The following AK2 variants were observed in gnomAD, a reference collection of about 807,000 sequenced individuals.
AK2 encodes the protein adenylate kinase 2, mitochondrial.
A neutral mutation model predicts 24.6 loss-of-function variants in AK2; 15 were observed. The observed-to-expected ratio is 0.61, with a 90% confidence interval of 0.41 to 0.94. The LOEUF (loss-of-function observed/expected upper bound fraction) is 0.94, where lower values mean the gene tolerates loss of function less well. AK2 is among the 40% of genes least tolerant of loss of function. The pLI, the probability that AK2 is intolerant of heterozygous loss-of-function variation, is 0.00. For missense variants in AK2, 257 were observed against 304.1 expected, an observed-to-expected ratio of 0.85 and a Z score of 1.15; for synonymous variants, 102 against 114.0, an observed-to-expected ratio of 0.90 and a Z score of 0.67.
intron 5 of AK2, among the ~76,000 whole-genome samples, chr1:33,014,070 A>C (rs1026976395): frequency 2.0e-5 from 3 of 152,200 alleles, no homozygotes; most frequent in Admixed American, 2.0e-4. Context: ...TGGTGCAGTG[A>C]CCATGTATGA....
chr1:33,028,295 G>A (rs576279678), intron 1 of AK2, among the ~76,000 whole-genome samples: 21 of 152,156 alleles, frequency 1.4e-4, no homozygotes, highest in African/African-American at 5.1e-4. Context: ...TCTGAGGTCG[G>A]GAGTTCAAGA....
In AK2 at chr1:33,021,354, A is replaced by G. The variant is rs530123267; in HGVS notation, c.425+13T>C. 6.2e-7 allele frequency: 1 copy of G among 1,612,242 alleles called. No individual in the cohort carries two copies. The highest frequency in any genetic ancestry group is 1.3e-5 in the African/African-American group (1 of 74,986). On this transcript the variant is annotated intron_variant, in intron 4 of 5. Transcript: ENST00000672715. ...CTGAGAAGCATGAAAAGGGACCTTCAAGGGACAAATACCTTCCTGTGATTC... is the reference window on the plus strand; with the variant it reads ...CTGAGAAGCATGAAAAGGGACCTTCGAGGGACAAATACCTTCCTGTGATTC...
chr1:33,008,929 C>G lies in AK2; in HGVS notation c.*4252G>C, dbSNP rs1238461218. On this transcript the variant is annotated 3_prime_UTR_variant, in exon 6 of 6. Transcript: ENST00000672715. ...TTCTCAACTACACCATGCTGCTTTG[C>G]AGGTTGGTTTGACAAACATTTCCCC... is the stretch of plus-strand genomic sequence containing the variant. 2.2e-6 allele frequency: 1 copy of G among 454,114 alleles called. No individual in the cohort carries two copies. The highest frequency in any genetic ancestry group is 4.4e-6 in the Non-Finnish European group (1 of 226,788). 28.1% of individuals were successfully genotyped at this position (454,114 alleles called of 1,614,324 possible).
chr1:33,012,008 C>T lies in AK2; in HGVS notation c.*1173G>A. 1 of 1,535,266 alleles carries T rather than the reference C, an allele frequency of 6.5e-7. No homozygotes were observed. The highest frequency in any genetic ancestry group is 8.7e-7 in the Non-Finnish European group (1 of 1,146,664). On this transcript the variant is annotated 3_prime_UTR_variant, in exon 6 of 6. Transcript: ENST00000672715. ...GATCAAAATGAATCCAAGAATAGAT[C>T]ACACACTGTTTTGTTCACACTTGGA...
At chr1:33,029,158 C>T (rs1351626697) in intron 1 of AK2, 1 of 152,220 alleles carries the variant, frequency 6.6e-6, no homozygotes, top group Non-Finnish European at 1.5e-5. Flanking sequence ...ACTATCAGTC[C>T]TAGAGATTTG....
rs759142908 is a variant in AK2 at position 33,035,913 on chromosome 1, G to GA, written c.93+822dup. Among the ~76,000 whole-genome samples, 9 of 151,818 alleles carry GA rather than the reference G, an allele frequency of 5.9e-5. No homozygotes were observed. The East Asian group carries it at 1.7e-3, about 29-fold the overall frequency. ...ATAAACAACAACAAAATAAAAAAAG[G>GA]AAAAAATAAATAAAAACCAAAGGGA... On this transcript the variant is annotated intron_variant, in intron 1 of 5. Transcript: ENST00000672715.
intron 1 of AK2, among the ~76,000 whole-genome samples, chr1:33,028,012 G>T (rs1271200703): frequency 6.6e-6 from 1 of 152,128 alleles, no homozygotes; most frequent in African/African-American, 2.4e-5. Flanking sequence ...ATGAAATAAA[G>T]TACCAAAAAC....
At position 33,011,213 on chromosome 1, in the gene AK2, T is replaced by C. The variant is rs888883399; in HGVS notation, c.*1968A>G. 3.8e-6 allele frequency: 5 copies of C among 1,309,572 alleles called. No homozygotes were observed. In the African/African-American group the frequency reaches 7.5e-5, roughly 20 times the overall value. The allele number at this position is 1,309,572 out of a possible 1,614,324, so 81.1% of individuals were successfully genotyped here. On this transcript the variant is annotated 3_prime_UTR_variant, in exon 6 of 6. Transcript: ENST00000672715. ...CTTTGAGGCCAAGTGCTTACAATTG[T>C]CCCTAGTTAAAGGGGAGCTGATTCT...
At chr1:33,017,658 C>G (rs2124306084) in intron 4 of AK2, among the ~76,000 whole-genome samples, 1 of 152,352 alleles carries the variant, frequency 6.6e-6, no homozygotes, top group East Asian at 1.9e-4. Context: ...GGATTGCTCT[C>G]AAGTACCAAC....
At position 33,009,717 on chromosome 1, in the gene AK2, T is replaced by C. The variant is rs1451011104; in HGVS notation, c.*3464A>G. ...CAGTGCTATCTCCACTAGACCAAGC[T>C]GCCTTGTCTCTGGGCTCAAGAGAAG... On this transcript the variant is annotated 3_prime_UTR_variant, in exon 6 of 6. Transcript: ENST00000672715. 2.2e-6 allele frequency: 1 copy of C among 454,004 alleles called. No individual in the cohort carries two copies. The highest frequency in any genetic ancestry group is 2.0e-5 in the African/African-American group (1 of 49,984). 28.1% of individuals were successfully genotyped at this position (454,004 alleles called of 1,614,324 possible). A position where few individuals can be genotyped will look rare whatever the true frequency, so the allele number is the denominator to read the frequency against.
chr1:33,036,669 A>C, intron 1 of AK2, 67 bp downstream of exon 1: 92 of 1,429,392 alleles, frequency 6.4e-5, no homozygotes, highest in Non-Finnish European at 7.8e-5. Flanking sequence ...CAGGGCTTCT[A>C]GATCTCCGGC....
At chr1:33,028,436 G>T (rs1478099650) in intron 1 of AK2, among the ~76,000 whole-genome samples, 1 of 151,864 alleles carries the variant, frequency 6.6e-6, no homozygotes, top group Non-Finnish European at 1.5e-5. Flanking sequence ...CAGAGGTTGT[G>T]GTGAGCTGGG....
At chr1:33,032,893 A>G (rs1640329774) in intron 1 of AK2, among the ~76,000 whole-genome samples, 1 of 152,144 alleles carries the variant, frequency 6.6e-6, no homozygotes, top group Admixed American at 6.6e-5. Flanking sequence ...GCTGGACATG[A>G]TGGCTCACGG....
rs183249346 is a variant in AK2, at chr1:33,012,769, C to G, written c.*412G>C. On this transcript the variant is annotated 3_prime_UTR_variant, in exon 6 of 6. Transcript: ENST00000672715. ...AATATCAGCCAGGTGTTGTGGCATG[C>G]ACCTGTAGTCCCAGCTGCTCAGGAG... 1 of 948,232 alleles carries G rather than the reference C, an allele frequency of 1.1e-6. No homozygotes were observed. Among genetic ancestry groups the G allele is most frequent in the East Asian group, 6.0e-5 (1 of 16,560 alleles). The allele number at this position is 948,232 out of a possible 1,614,324, so 58.7% of individuals were successfully genotyped here. A position where few individuals can be genotyped will look rare whatever the true frequency, so the allele number is the denominator to read the frequency against.
chr1:33,010,682 G>A lies in AK2; in HGVS notation c.*2499C>T, dbSNP rs1230560913. 4 of 1,592,390 alleles carry A rather than the reference G, an allele frequency of 2.5e-6. No individual in the cohort carries two copies. Among genetic ancestry groups the A allele is most frequent in the Admixed American group, 1.8e-5 (1 of 56,512 alleles). On this transcript the variant is annotated 3_prime_UTR_variant, in exon 6 of 6. Transcript: ENST00000672715. ...ACTGCCACACTACAATAACACTGCT[G>A]TTGTTCCAAGTATTCCTCTGAGCCC...
At chr1:33,027,576 C>T (rs1194482882) in intron 1 of AK2, among the ~76,000 whole-genome samples, 2 of 151,874 alleles carry the variant, frequency 1.3e-5, no homozygotes, top group African/African-American at 2.4e-5. Context: ...GGTGAAACCC[C>T]GTCTCTACTA....
chr1:33,036,866 C>T lies in AK2; in HGVS notation c.-38G>A, dbSNP rs1159297945. On this transcript the variant is annotated 5_prime_UTR_variant, in exon 1 of 6. Transcript: ENST00000672715. ...CTCTCACTGCCACCAGTTCGCACGCCTCACAGGTCCAGTGCTTCCCAGGTC... is the reference window on the plus strand; with the variant it reads ...CTCTCACTGCCACCAGTTCGCACGCTTCACAGGTCCAGTGCTTCCCAGGTC... The T allele has an allele frequency of 1.3e-6, 2 of 1,530,160 alleles. No homozygotes were observed. Among genetic ancestry groups the T allele is most frequent in the Non-Finnish European group, 1.8e-6 (2 of 1,124,808 alleles). The allele number at this position is 1,530,160 out of a possible 1,614,324, so 94.8% of individuals were successfully genotyped here.
intron 4 of AK2, 76 bp downstream of exon 4, chr1:33,021,291 G>C: frequency 3.1e-6 from 4 of 1,302,880 alleles, no homozygotes; most frequent in Non-Finnish European, 4.5e-6. Context: ...TTCATGGCCG[G>C]GATTAGGCAA....
chr1:33,021,139 C>T (rs1316813452), intron 4 of AK2, among the ~76,000 whole-genome samples: 2 of 151,986 alleles, frequency 1.3e-5, no homozygotes, highest in South Asian at 2.1e-4. Flanking sequence ...GAGTTAGACT[C>T]CCATCTAAAA....
Sources: allele counts gnomAD v4.1 joint callset (sites outside exome capture counted in the v4.1 genomes callset), GRCh38; gene constraint gnomAD v4.1.1; transcripts MANE v1.5; gene names NCBI Gene and HGNC (gene_info 2026-07-23, HGNC 2026-07-21).